Variants in SLC25A33 observed in about 807,000 individuals in gnomAD.
The protein encoded by SLC25A33 is bone marrow stromal cell mitochondrial carrier protein.
SLC25A33 carries 15 observed loss-of-function variants against 35.5 expected under a neutral mutation model. The ratio of observed to expected loss-of-function variants is 0.42; its 90% CI spans 0.28 to 0.65. The LOEUF is 0.65. Ranked by LOEUF, SLC25A33 falls within the 30% of genes least tolerant of loss-of-function variation. The pLI is 0.20. For synonymous variants in SLC25A33, 136 were observed against 148.7 expected, an observed-to-expected ratio of 0.91 and a Z score of 0.62; for missense variants, 257 against 398.5, an observed-to-expected ratio of 0.64 and a Z score of 3.02.
chr1:9,540,025 G>C (rs1049153867), intron 1 of SLC25A33, among the ~76,000 whole-genome samples: 2 of 152,272 alleles, frequency 1.3e-5, no homozygotes, highest in Admixed American at 1.3e-4. Context: ...CCATTCTGAA[G>C]AGTCAGTGGC....
intron 5 of SLC25A33, chr1:9,576,617 C>G (rs1273828753): frequency 1.7e-6 from 1 of 586,148 alleles, no homozygotes; most frequent in East Asian, 4.4e-5. Flanking sequence ...GAACTGGCTA[C>G]CGTTCGAACT....
At chr1:9,580,425 A>C (rs797004716) in intron 6 of SLC25A33, among the ~76,000 whole-genome samples, 191 bp downstream of exon 6, 49 of 152,340 alleles carry the variant, frequency 3.2e-4, no homozygotes, top group African/African-American at 1.1e-3. Context: ...CCTTACTCAA[A>C]TCCAGCTGAT....
At chr1:9,553,861 A>C in intron 2 of SLC25A33, 56 bp downstream of exon 2, 1 of 1,528,062 alleles carries the variant, frequency 6.5e-7, no homozygotes. Flanking sequence ...GCCACTGTCA[A>C]CAGAGAATGT....
chr1:9,553,147 C>T (rs1183251203), intron 1 of SLC25A33, among the ~76,000 whole-genome samples: 2 of 119,038 alleles, frequency 1.7e-5, no homozygotes, highest in Admixed American at 8.4e-5. Flanking sequence ...CTGCCTCGGC[C>T]TCCCAAAGTG....
chr1:9,553,469 G>A (rs943260762), intron 1 of SLC25A33, among the ~76,000 whole-genome samples, 157 bp from the exon 2 acceptor site: 1 of 151,852 alleles, frequency 6.6e-6, no homozygotes. Flanking sequence ...TGCTGACCTC[G>A]TGATCCACCC....
chr1:9,544,047 G>A (rs2100366550), intron 1 of SLC25A33, among the ~76,000 whole-genome samples: 1 of 152,196 alleles, frequency 6.6e-6, no homozygotes, highest in South Asian at 2.1e-4. Context: ...GGAGGTTGCA[G>A]TGAGCTGAGA....
At chr1:9,567,045 G>A (rs12124860) in intron 2 of SLC25A33, among the ~76,000 whole-genome samples, 59,661 of 151,618 alleles carry the variant, frequency 0.39, 15,531 homozygotes, top group East Asian at 0.89. Flanking sequence ...AAAAAAAAAG[G>A]GAGAGAAAGA....
At chr1:9,573,056 A>G (rs900245887) in intron 4 of SLC25A33, among the ~76,000 whole-genome samples, 1 of 152,212 alleles carries the variant, frequency 6.6e-6, no homozygotes, top group Non-Finnish European at 1.5e-5. Flanking sequence ...AATTTTCAGT[A>G]GGAATCACAT....
chr1:9,553,053 G>A (rs1055514838), intron 1 of SLC25A33, among the ~76,000 whole-genome samples: 26 of 149,536 alleles, frequency 1.7e-4, no homozygotes, highest in African/African-American at 5.4e-4. Flanking sequence ...CACCATGCCC[G>A]GCTAATTTTT....
At chr1:9,540,461 A>G (rs1468719635) in intron 1 of SLC25A33, among the ~76,000 whole-genome samples, 2 of 152,014 alleles carry the variant, frequency 1.3e-5, no homozygotes, top group Non-Finnish European at 1.5e-5. Context: ...AGCGGAGACA[A>G]TGCATTTTTA....
At position 9,570,360 on chromosome 1, in the gene SLC25A33, T is replaced by TA. The variant is rs1643571906; in HGVS notation, c.415+3dup. The TA allele has an allele frequency of 3.1e-6, 5 of 1,611,790 alleles. No individual in the cohort carries two copies. Among genetic ancestry groups the TA allele is most frequent in the Non-Finnish European group, 4.2e-6 (5 of 1,178,186 alleles). On this transcript the variant is annotated splice_region_variant and intron_variant, in intron 4 of 6. Transcript: ENST00000302692. ...ATATTTTCTCAGCTGGCTCTGCAGG[T>TA]ATGTTACCCTAGTGAGTGAAGAGAG... is the stretch of plus-strand genomic sequence containing the variant.
At chr1:9,559,316 C>T (rs910352205) in intron 2 of SLC25A33, among the ~76,000 whole-genome samples, 4 of 152,062 alleles carry the variant, frequency 2.6e-5, no homozygotes, top group Admixed American at 1.3e-4. Flanking sequence ...TTACTGAAAT[C>T]GTCCCCAAGC....
chr1:9,579,199 G>C (rs2100414020), intron 5 of SLC25A33, among the ~76,000 whole-genome samples: 1 of 152,282 alleles, frequency 6.6e-6, no homozygotes, highest in Middle Eastern at 3.4e-3. Context: ...AAATGTGTAG[G>C]GGGTTTTCCC....
At chr1:9,553,980 C>CG (rs1349770128) in intron 2 of SLC25A33, among the ~76,000 whole-genome samples, 175 bp downstream of exon 2, 7 of 152,156 alleles carry the variant, frequency 4.6e-5, no homozygotes, top group East Asian at 3.9e-4. Context: ...CCCCTGGCAG[C>CG]GGGGGGTCCC....
chr1:9,564,220 A>G (rs902309926), intron 2 of SLC25A33, among the ~76,000 whole-genome samples: 1 of 152,128 alleles, frequency 6.6e-6, no homozygotes, highest in African/African-American at 2.4e-5. Flanking sequence ...TCCTTTCAGG[A>G]TTTTCTAAGT....
chr1:9,539,657 A>T lies in SLC25A33; in HGVS notation c.-35A>T. ...CCTCGAGCCGCCACGCGCTCTCGCCACCGGGCGGCGACGGGCCGCGGAGCC... is the reference window on the plus strand; with the variant it reads ...CCTCGAGCCGCCACGCGCTCTCGCCTCCGGGCGGCGACGGGCCGCGGAGCC... On this transcript the variant is annotated 5_prime_UTR_variant, in exon 1 of 7. Transcript: ENST00000302692. 3 of 1,336,338 alleles carry T rather than the reference A, an allele frequency of 2.2e-6. No individual in the cohort carries two copies. Among genetic ancestry groups the T allele is most frequent in the Non-Finnish European group, 2.9e-6 (3 of 1,045,858 alleles). 82.8% of individuals were successfully genotyped at this position (1,336,338 alleles called of 1,614,324 possible).
chr1:9,582,021 T>C lies in SLC25A33; in HGVS notation c.764-278T>C, dbSNP rs943599679. ...TCATTGCGACCTTCACCTCCCAGGT[T>C]CAAGCGATCCTCATTCCTCAGCCAC... On this transcript the variant is annotated intron_variant, in intron 6 of 6. Transcript: ENST00000302692. The surrounding 1 kb of genome is among the most constrained non-coding windows in gnomAD (Gnocchi z 4.0). Among the ~76,000 whole-genome samples the C allele has an allele frequency of 2.0e-4, 30 of 152,110 alleles. No homozygotes were observed. The highest frequency in any genetic ancestry group is 7.2e-4 in the African/African-American group (30 of 41,416).
At chr1:9,573,272 T>G (rs1338557582) in intron 4 of SLC25A33, 74 bp from the exon 5 acceptor site, 1 of 1,083,528 alleles carries the variant, frequency 9.2e-7, no homozygotes, top group Non-Finnish European at 1.3e-6. Context: ...CAAAGTTTAT[T>G]ATATGATAAT....
intron 1 of SLC25A33, among the ~76,000 whole-genome samples, chr1:9,540,594 C>T (rs1235443881): frequency 6.6e-6 from 1 of 151,976 alleles, no homozygotes; most frequent in Non-Finnish European, 1.5e-5. Context: ...TTTCCTTTAT[C>T]ACAGCCGGTG....
Sources: allele counts gnomAD v4.1 joint callset (sites outside exome capture counted in the v4.1 genomes callset), GRCh38; gene constraint gnomAD v4.1.1; non-coding constraint Gnocchi (gnomAD v3.1); transcripts MANE v1.5; gene names NCBI Gene and HGNC (gene_info 2026-07-23, HGNC 2026-07-21).